MEGF10: variants seen among roughly 807,000 people sequenced by gnomAD.
The protein encoded by MEGF10 is multiple epidermal growth factor-like domains protein 10.
Under a neutral mutation model 147.5 loss-of-function variants are expected in MEGF10, and 86 were observed. The observed-to-expected ratio is 0.58, with a 90% CI of 0.49 to 0.70. The LOEUF (loss-of-function observed/expected upper bound fraction) is 0.70, where lower values mean the gene tolerates loss of function less well. Among genes scored for constraint, MEGF10 ranks in the 30% least tolerant of loss-of-function variants. MEGF10 has a pLI of 0.00. For missense variants in MEGF10, 1,329 were observed against 1,487.3 expected (o/e 0.89, Z 1.75); for synonymous variants, 478 against 525.5 (o/e 0.91, Z 1.24).
At position 127,443,013 on chromosome 5, in the gene MEGF10, C is replaced by G. The variant is rs1765813500; in HGVS notation, c.2378C>G (p.Thr793Arg). 1.2e-6 allele frequency: 2 copies of G among 1,612,806 alleles called. No individual in the cohort carries two copies. Among genetic ancestry groups the G allele is most frequent in the Non-Finnish European group, 1.7e-6 (2 of 1,179,292 alleles). ...RHCEQKCPSG[T>R]YGYGCRQICD... is the part of the protein sequence containing the mutation. ...CCTTCTCTAGAGTGCCCTTCAGGAA[C>G]ATATGGCTATGGCTGTCGCCAGATA... Residue 793 changes from threonine to arginine, a missense_variant, in exon 19 of 25, where the codon ACA becomes AGA. Physicochemically the swap from Thr to Arg is moderately conservative, Grantham distance 71. Transcript: ENST00000503335.
At chr5:127,303,528 T>C (rs2126719188) in intron 1 of MEGF10, among the ~76,000 whole-genome samples, 1 of 152,154 alleles carries the variant, frequency 6.6e-6, no homozygotes, top group East Asian at 1.9e-4. Flanking sequence ...TGCAGTAATT[T>C]CACTAATTGC....
In MEGF10 at chr5:127,447,579, T is replaced by C. The variant is rs368185850; in HGVS notation, c.2751T>C (p.Gly917=). The change falls in exon 21 of 25, where the codon GGT becomes GGC. Residue 917 remains glycine, a synonymous_variant. Transcript: ENST00000503335. ...CAGGAACCCTTCCTCACAGCAATGG[T>C]GGAAACGCTAATAGCCACTACTTCA... ...TISGTLPHSN[G]GNANSHYFTN... 5.0e-6 allele frequency: 8 copies of C among 1,614,060 alleles called. No individual in the cohort carries two copies. Among genetic ancestry groups the C allele is most frequent in the East Asian group, 2.2e-5 (1 of 44,874 alleles).
chr5:127,360,323 G>A (rs757626076), intron 4 of MEGF10, among the ~76,000 whole-genome samples: 39 of 152,048 alleles, frequency 2.6e-4, no homozygotes, highest in Admixed American at 4.6e-4. Context: ...GAGGTTTTGC[G>A]TAGTGACTTT....
intron 3 of MEGF10, among the ~76,000 whole-genome samples, chr5:127,339,822 A>G (rs1035791638): frequency 6.6e-6 from 1 of 152,158 alleles, no homozygotes; most frequent in Non-Finnish European, 1.5e-5. Context: ...TCATTTCTTC[A>G]CACAAGCTGG....
rs114465720 is a variant in MEGF10, at chr5:127,336,714, G to A, written c.117-2406G>A. Among the ~76,000 whole-genome samples the A allele has an allele frequency of 7.2e-3, 1,090 of 152,208 alleles. 10 individuals are homozygous for A. The highest frequency in any genetic ancestry group is 0.013 in the Non-Finnish European group (878 of 67,990). Reference sequence around the variant, plus strand: ...GAAATTTTCTGGAAACTCTGTATCAGGTCTAGTTCCAACAAATGAATTTAG... The same window carrying A: ...GAAATTTTCTGGAAACTCTGTATCAAGTCTAGTTCCAACAAATGAATTTAG... On this transcript the variant is annotated intron_variant, in intron 2 of 24. Coordinates refer to ENST00000503335, the MANE Select transcript of MEGF10 (RefSeq NM_001256545.2).
intron 1 of MEGF10, among the ~76,000 whole-genome samples, chr5:127,324,839 A>G (rs1760940754): frequency 6.6e-6 from 1 of 152,196 alleles, no homozygotes; most frequent in African/African-American, 2.4e-5. Context: ...AATCTGTTAT[A>G]AAACCTTCTG....
rs769158945 is a variant in MEGF10, at chr5:127,417,596, T to C, written c.1131-42T>C. The C allele has an allele frequency of 1.9e-5, 30 of 1,607,414 alleles. 2 individuals are homozygous for C. The South Asian group carries it at 3.1e-4, about 17-fold the overall frequency. On this transcript the variant is annotated intron_variant, in intron 9 of 24. Transcript: ENST00000503335. The stretch of plus-strand genomic sequence containing the variant: ...ATTTGCACAGAAGTTGGGTGTCATG[T>C]TTACCCCAAAGTGACTTATTCCTTT...
At chr5:127,378,830 T>A (rs1038899929) in intron 5 of MEGF10, among the ~76,000 whole-genome samples, 2 of 151,892 alleles carry the variant, frequency 1.3e-5, no homozygotes, top group African/African-American at 4.8e-5. Flanking sequence ...GAAGACCTAG[T>A]AAAGTTTTAT....
chr5:127,282,971 A>G, the MEGF10 span, among the ~76,000 whole-genome samples: 2 of 152,198 alleles, frequency 1.3e-5, no homozygotes, highest in African/African-American at 4.8e-5. Flanking sequence ...CAGCTCTGAG[A>G]CTATGGCTTT....
intron 22 of MEGF10, 48 bp downstream of exon 22, chr5:127,449,270 C>T: frequency 6.2e-7 from 1 of 1,602,328 alleles, no homozygotes; most frequent in Non-Finnish European, 8.5e-7. Flanking sequence ...ACCTGTCAGT[C>T]CCTGAAACAG....
At chr5:127,375,223 C>CT (rs34537147) in intron 5 of MEGF10, among the ~76,000 whole-genome samples, 4 of 151,390 alleles carry the variant, frequency 2.6e-5, no homozygotes, top group Non-Finnish European at 4.4e-5. Context: ...ACATAGCTGT[C>CT]TTTTTTTTTT....
intron 9 of MEGF10, among the ~76,000 whole-genome samples, chr5:127,416,272 C>T (rs1042947216): frequency 6.6e-6 from 1 of 151,910 alleles, no homozygotes; most frequent in Admixed American, 6.6e-5. Flanking sequence ...TCGTGATCCG[C>T]CCGCCTCAGC....
At chr5:127,256,409 T>C in the MEGF10 span, among the ~76,000 whole-genome samples, 60,667 of 151,990 alleles carry the variant, frequency 0.4, 12,608 homozygotes, top group Middle Eastern at 0.54. Flanking sequence ...AAGGAGATAG[T>C]CCTTGATGTT....
chr5:127,440,967 G>A lies in MEGF10; in HGVS notation c.2362+100G>A, dbSNP rs903776381. 26 of 1,470,450 alleles carry A rather than the reference G, an allele frequency of 1.8e-5. No homozygotes were observed. In the Admixed American group the frequency reaches 2.0e-4, roughly 12 times the overall value. 91.1% of individuals were successfully genotyped at this position (1,470,450 alleles called of 1,614,324 possible). ...ATTAAGGCAGAATTCACCACTCCGA[G>A]GTTGTTTGAGCTGATGGCTGGTTAC... is the stretch of plus-strand genomic sequence containing the variant. On this transcript the variant is annotated intron_variant, in intron 18 of 24. Transcript: ENST00000503335.
At chr5:127,425,552 A>T (rs1003008216) in intron 13 of MEGF10, among the ~76,000 whole-genome samples, 1 of 152,142 alleles carries the variant, frequency 6.6e-6, no homozygotes, top group South Asian at 2.1e-4. Context: ...ATACAAAAAC[A>T]CATGTAGAGG....
At chr5:127,338,886 G>T (rs1761567012) in intron 2 of MEGF10, among the ~76,000 whole-genome samples, 1 of 152,100 alleles carries the variant, frequency 6.6e-6, no homozygotes, top group South Asian at 2.1e-4. Flanking sequence ...GAGTAAAAGA[G>T]AATTTTCTTT....
chr5:127,396,255 T>C (rs1763906885), intron 5 of MEGF10, among the ~76,000 whole-genome samples: 1 of 152,182 alleles, frequency 6.6e-6, no homozygotes. Context: ...CTCCACACTC[T>C]GGATGCAGAA....
At chr5:127,276,116 G>A in the MEGF10 span, among the ~76,000 whole-genome samples, 5 of 152,318 alleles carry the variant, frequency 3.3e-5, no homozygotes, top group Middle Eastern at 3.4e-3. Context: ...TTTTCTTAGT[G>A]TAGTCAAAGC....
chr5:127,390,109 G>T (rs778197408), intron 5 of MEGF10, among the ~76,000 whole-genome samples: 5 of 152,124 alleles, frequency 3.3e-5, no homozygotes, highest in Non-Finnish European at 5.9e-5. Context: ...ATAATCTCAA[G>T]ACCCAGAGAT....
Sources: allele counts gnomAD v4.1 joint callset (sites outside exome capture counted in the v4.1 genomes callset), GRCh38; gene constraint gnomAD v4.1.1; transcripts MANE v1.5; gene names NCBI Gene and HGNC (gene_info 2026-07-23, HGNC 2026-07-21).